Variants in MITF observed in about 807,000 individuals in gnomAD.
The protein encoded by MITF is microphthalmia-associated transcription factor.
In MITF, 17 loss-of-function variants were observed where a neutral mutation model predicts 60.5. The ratio of observed to expected loss-of-function variants is 0.28; its 90% CI spans 0.19 to 0.42. The LOEUF is 0.42. Among genes scored for constraint, MITF ranks in the 10% least tolerant of loss-of-function variants. MITF has a pLI of 1.00. For missense variants in MITF, 622 were observed against 683.5 expected, an observed-to-expected ratio of 0.91 and a Z score of 1.00; for synonymous variants, 260 against 248.5, an observed-to-expected ratio of 1.05 and a Z score of -0.43.
At chr3:69,786,473 C>T (rs2062651338) in intron 1 of MITF, among the ~76,000 whole-genome samples, 1 of 152,104 alleles carries the variant, frequency 6.6e-6, no homozygotes, top group Non-Finnish European at 1.5e-5. Context: ...ATTTAGTTAA[C>T]ATCGTAAAAT....
At chr3:69,786,799 C>G (rs565345202) in intron 1 of MITF, among the ~76,000 whole-genome samples, 1 of 152,162 alleles carries the variant, frequency 6.6e-6, no homozygotes, top group Admixed American at 6.5e-5. Flanking sequence ...AGGTAAAAAT[C>G]CATTCAGTTG....
chr3:69,924,003 GT>G (rs2065528923), intron 2 of MITF, among the ~76,000 whole-genome samples: 1 of 152,078 alleles, frequency 6.6e-6, no homozygotes, highest in South Asian at 2.1e-4. Context: ...TTGATTACGT[GT>G]TTTAGATGAC....
At chr3:69,810,124 C>A (rs945377020) in intron 1 of MITF, among the ~76,000 whole-genome samples, 3 of 152,156 alleles carry the variant, frequency 2.0e-5, no homozygotes, top group Admixed American at 6.5e-5. Context: ...CCTTGGTCCT[C>A]TGTCCTGAGC....
intron 1 of MITF, among the ~76,000 whole-genome samples, chr3:69,867,497 C>A (rs1038934922): frequency 6.6e-6 from 1 of 151,864 alleles, no homozygotes; most frequent in Non-Finnish European, 1.5e-5. Flanking sequence ...AGATTTTTTT[C>A]ATTCTTTATG....
intron 1 of MITF, among the ~76,000 whole-genome samples, chr3:69,874,104 G>A (rs2064298794): frequency 6.6e-6 from 1 of 152,112 alleles, no homozygotes; most frequent in South Asian, 2.1e-4. Flanking sequence ...GTGCCTCCTG[G>A]ACATAAATAA....
At chr3:69,811,564 TC>T (rs1262831288) in intron 1 of MITF, among the ~76,000 whole-genome samples, 2 of 152,322 alleles carry the variant, frequency 1.3e-5, no homozygotes, top group African/African-American at 4.8e-5. Flanking sequence ...ATTATCTGTT[TC>T]CCAGAATGGT....
rs945129723 is a variant in MITF at position 69,959,124 on chromosome 3, C to T, written c.1032-149C>T. 13 of 911,230 alleles carry T rather than the reference C, an allele frequency of 1.4e-5. No homozygotes were observed. In the South Asian group the frequency reaches 2.1e-4, roughly 15 times the overall value. The allele number at this position is 911,230 out of a possible 1,614,324, so 56.4% of individuals were successfully genotyped here. A position where few individuals can be genotyped will look rare whatever the true frequency, so the allele number is the denominator to read the frequency against. On this transcript the variant is annotated intron_variant, in intron 8 of 9. Transcript: ENST00000352241. Reference sequence around the variant, plus strand: ...AAAAATCACCACTAAAGAACTTATCCATGTAACCAAGCACCACCTGTTCCC... The same window carrying T: ...AAAAATCACCACTAAAGAACTTATCTATGTAACCAAGCACCACCTGTTCCC...
rs750309721 is a variant in MITF at position 69,951,844 on chromosome 3, G to A, written c.913G>A (p.Ala305Thr). Residue 305 changes from alanine (A) to threonine (T), a missense_variant, in exon 7 of 10, where the codon GCA (alanine) becomes ACA (threonine). Ala to Thr is a moderately conservative substitution (Grantham distance 58). Around this residue, in one of 5 missense-constraint regions of MITF, gnomAD observed 215 missense variants for 224.8 expected, o/e 0.96. Transcript: ENST00000352241. The stretch of plus-strand genomic sequence containing the variant: ...TTTTCCCACAGAGTCTGAAGCAAGA[G>A]CACTGGCCAAAGAGAGGCAGAAAAA... ...CIFPTESEAR[A>T]LAKERQKKDN... 1.2e-6 allele frequency: 2 copies of A among 1,613,548 alleles called. No individual in the cohort carries two copies. Among genetic ancestry groups the A allele is most frequent in the Non-Finnish European group, 8.5e-7 (1 of 1,179,706 alleles).
At chr3:69,823,786 T>G (rs2063313404) in intron 1 of MITF, among the ~76,000 whole-genome samples, 1 of 152,224 alleles carries the variant, frequency 6.6e-6, no homozygotes, top group Non-Finnish European at 1.5e-5. Context: ...ATCTTTTCTG[T>G]AAGAATTCTT....
intron 1 of MITF, among the ~76,000 whole-genome samples, chr3:69,873,243 G>A (rs575182619): frequency 1.3e-5 from 2 of 152,124 alleles, no homozygotes; most frequent in East Asian, 3.9e-4. Flanking sequence ...TTTCTTATTA[G>A]TATTTTTTTC....
intron 1 of MITF, among the ~76,000 whole-genome samples, chr3:69,823,908 T>A (rs2063315705): frequency 6.6e-6 from 1 of 152,216 alleles, no homozygotes; most frequent in African/African-American, 2.4e-5. Context: ...GTTAGCAGAA[T>A]GGCCAGAGCT....
intron 1 of MITF, among the ~76,000 whole-genome samples, chr3:69,858,477 A>AT (rs1019811787): frequency 1.3e-5 from 2 of 152,112 alleles, no homozygotes; most frequent in African/African-American, 4.8e-5. Flanking sequence ...AAGAGGTTTG[A>AT]TTTTTTATAG....
At chr3:69,751,448 G>A (rs1703931636) in intron 1 of MITF, among the ~76,000 whole-genome samples, 1 of 152,008 alleles carries the variant, frequency 6.6e-6, no homozygotes. Context: ...GGAAGGGCAA[G>A]GCCAATGTCA....
intron 5 of MITF, among the ~76,000 whole-genome samples, chr3:69,943,452 C>T (rs1487883457): frequency 6.6e-6 from 1 of 151,984 alleles, no homozygotes; most frequent in Non-Finnish European, 1.5e-5. Flanking sequence ...GTTATATATA[C>T]CTATATTATG....
At chr3:69,779,367 C>T (rs1310630791) in intron 1 of MITF, among the ~76,000 whole-genome samples, 1 of 152,070 alleles carries the variant, frequency 6.6e-6, no homozygotes, top group Non-Finnish European at 1.5e-5. Context: ...GGCTATGACA[C>T]ACTGAAGGTG....
chr3:69,899,599 T>C (rs959979517), intron 2 of MITF, among the ~76,000 whole-genome samples: 5 of 152,186 alleles, frequency 3.3e-5, no homozygotes, highest in African/African-American at 1.2e-4. Context: ...TATCATTCCC[T>C]CTTCTGAGTG....
At chr3:69,862,968 A>G (rs1332134645) in intron 1 of MITF, among the ~76,000 whole-genome samples, 2 of 152,002 alleles carry the variant, frequency 1.3e-5, no homozygotes, top group Admixed American at 6.6e-5. Flanking sequence ...GGATTTGGGT[A>G]TCTCTCTCTA....
chr3:69,783,522 A>G (rs1321004180), intron 1 of MITF, among the ~76,000 whole-genome samples: 1 of 149,900 alleles, frequency 6.7e-6, no homozygotes, highest in East Asian at 1.9e-4. Flanking sequence ...TATTTAATAA[A>G]GGAGATTATT....
At chr3:69,874,871 G>GCAAAA (rs1187587156) in intron 1 of MITF, among the ~76,000 whole-genome samples, 5 of 152,160 alleles carry the variant, frequency 3.3e-5, no homozygotes, top group African/African-American at 1.2e-4. Flanking sequence ...TTGGGATTTA[G>GCAAAA]CAAAACGTCA....
Sources: gnomAD v4.1 joint callset for allele counts (sites outside exome capture counted in the v4.1 genomes callset) on GRCh38, gnomAD v4.1.1 for gene constraint, gnomAD v4.1.1 regional missense constraint, MANE v1.5 for transcripts, NCBI Gene and HGNC (gene_info 2026-07-23, HGNC 2026-07-21) for gene names.